The following STEAP1B variants were observed in gnomAD, a reference collection of about 807,000 sequenced individuals.
The protein encoded by STEAP1B is STEAP family member 1B, also known as STEAP family protein MGC87042.
A neutral mutation model predicts 27.9 loss-of-function variants in STEAP1B; 13 were observed. The ratio of observed to expected loss-of-function variants is 0.47; its 90% CI spans 0.30 to 0.74. The LOEUF is 0.74. Among genes scored for constraint, STEAP1B ranks in the 30% least tolerant of loss-of-function variants. STEAP1B has a pLI of 0.06. For synonymous variants in STEAP1B, 86 were observed against 107.1 expected (o/e 0.80, Z 1.22); for missense variants, 250 against 298.7 (o/e 0.84, Z 1.20).
Position 22,490,382 on chromosome 7 carries a change from A to G in STEAP1B, c.762+2183T>C, listed in dbSNP as rs572058309. Among the ~76,000 whole-genome samples the G allele has an allele frequency of 3.9e-5, 6 of 152,282 alleles. No homozygotes were observed. In the East Asian group the frequency reaches 1.2e-3, roughly 29 times the overall value. Reference sequence around the variant, plus strand: ...TCTTTTTCTATCCTATTGGCCTAGAATATGTCATTTTTAGTCCTGTCTCTT... The same window carrying G: ...TCTTTTTCTATCCTATTGGCCTAGAGTATGTCATTTTTAGTCCTGTCTCTT... On this transcript the variant is annotated intron_variant, in intron 4 of 4. Transcript: ENST00000678116.
At chr7:22,443,797 A>G (rs1785368893) in intron 4 of STEAP1B, among the ~76,000 whole-genome samples, 1 of 152,138 alleles carries the variant, frequency 6.6e-6, no homozygotes, top group South Asian at 2.1e-4. Flanking sequence ...ATCACCTAAG[A>G]GCCAGGCAAA....
At chr7:22,424,502 A>G (rs1289330791) in intron 4 of STEAP1B, among the ~76,000 whole-genome samples, 1 of 152,220 alleles carries the variant, frequency 6.6e-6, no homozygotes, top group African/African-American at 2.4e-5. Context: ...ACATTATTTC[A>G]TACTCATCTG....
chr7:22,470,815 A>C (rs939416584), intron 4 of STEAP1B, among the ~76,000 whole-genome samples: 1 of 152,204 alleles, frequency 6.6e-6, no homozygotes, highest in African/African-American at 2.4e-5. Flanking sequence ...AACTGGGTGA[A>C]GCATAAATGA....
At chr7:22,472,540 G>A (rs990919804) in intron 4 of STEAP1B, among the ~76,000 whole-genome samples, 6 of 152,148 alleles carry the variant, frequency 3.9e-5, no homozygotes, top group African/African-American at 7.2e-5. Flanking sequence ...GAAGTTTTAC[G>A]GCAAGTTGAC....
In STEAP1B at chr7:22,419,826, C is replaced by G. The variant is rs1461875270; in HGVS notation, c.773G>C (p.Arg258Thr). ...REFHYIQVHG[R>T]INFLTL Reference sequence around the variant, plus strand: ...CTGTCACAAGGTCAGGAAGTTGATCCTACCATGTACCTGGAAGGCAGACAG... The same window carrying G: ...CTGTCACAAGGTCAGGAAGTTGATCGTACCATGTACCTGGAAGGCAGACAG... The change falls in exon 5 of 5, where the codon AGG becomes ACG. Residue 258 changes from arginine (R) to threonine (T), a missense_variant. Arg to Thr is a moderately conservative substitution (Grantham distance 71). Transcript: ENST00000678116. The G allele has an allele frequency of 6.5e-7, 1 of 1,549,728 alleles. No homozygotes were observed. Among genetic ancestry groups the G allele is most frequent in the Non-Finnish European group, 8.7e-7 (1 of 1,145,906 alleles).
chr7:22,470,314 G>A (rs971224612), intron 4 of STEAP1B, among the ~76,000 whole-genome samples: 2 of 152,150 alleles, frequency 1.3e-5, no homozygotes, highest in South Asian at 2.1e-4. Context: ...GTTGACTTGA[G>A]GGGGCAAAAA....
At chr7:22,437,837 T>C (rs2128401233) in intron 4 of STEAP1B, among the ~76,000 whole-genome samples, 1 of 152,366 alleles carries the variant, frequency 6.6e-6, no homozygotes, top group South Asian at 2.1e-4. Flanking sequence ...TTAATTTGCG[T>C]AACTCTGATA....
At chr7:22,460,241 T>C (rs1354903443) in intron 4 of STEAP1B, among the ~76,000 whole-genome samples, 1 of 150,132 alleles carries the variant, frequency 6.7e-6, no homozygotes, top group African/African-American at 2.5e-5. Context: ...GATGGGAGGA[T>C]CACTTGAGCC....
chr7:22,470,248 A>T (rs1785858077), intron 4 of STEAP1B, among the ~76,000 whole-genome samples: 1 of 152,202 alleles, frequency 6.6e-6, no homozygotes, highest in Non-Finnish European at 1.5e-5. Context: ...TATATAAAGG[A>T]TGTAGCCGTA....
chr7:22,488,607 T>TAACAAAAGGGAAGATGGA, intron 4 of STEAP1B, among the ~76,000 whole-genome samples: 2 of 152,280 alleles, frequency 1.3e-5, no homozygotes, highest in Middle Eastern at 6.8e-3. Context: ...ACCTCAGCCC[T>TAACAAAAGGGAAGATGGA]AACAAAAGGG....
intron 4 of STEAP1B, among the ~76,000 whole-genome samples, chr7:22,420,333 G>A (rs896048015): frequency 6.6e-6 from 1 of 152,176 alleles, no homozygotes. Flanking sequence ...CAGCCTGGGG[G>A]ATGATAAAGC....
At chr7:22,491,732 A>C (rs185622410) in intron 4 of STEAP1B, among the ~76,000 whole-genome samples, 3 of 152,326 alleles carry the variant, frequency 2.0e-5, no homozygotes, top group African/African-American at 7.2e-5. Context: ...TTGAGATTAT[A>C]GAAAAGTGTG....
intron 4 of STEAP1B, among the ~76,000 whole-genome samples, chr7:22,432,642 C>T (rs1163351210): frequency 1.3e-5 from 2 of 152,118 alleles, no homozygotes; most frequent in Non-Finnish European, 2.9e-5. Flanking sequence ...GCAGCCTGAA[C>T]AAATGGACAG....
chr7:22,420,545 A>T (rs1785031871), intron 4 of STEAP1B, among the ~76,000 whole-genome samples: 3 of 152,390 alleles, frequency 2.0e-5, no homozygotes, highest in South Asian at 4.1e-4. Context: ...TGGTGAAGCT[A>T]CAAATCCGGC....
chr7:22,435,814 T>C (rs1785246326), intron 4 of STEAP1B, among the ~76,000 whole-genome samples: 1 of 152,320 alleles, frequency 6.6e-6, no homozygotes, highest in South Asian at 2.1e-4. Flanking sequence ...AGGTGTGATA[T>C]AAGACTCAAT....
chr7:22,494,183 A>T (rs1389170008), intron 2 of STEAP1B, among the ~76,000 whole-genome samples: 5 of 148,160 alleles, frequency 3.4e-5, no homozygotes, highest in Non-Finnish European at 4.5e-5. Flanking sequence ...TTCTGCTAAA[A>T]CTTCCATTGA....
chr7:22,422,537 A>G lies in STEAP1B; in HGVS notation c.763-2701T>C, dbSNP rs916561146. Among the ~76,000 whole-genome samples the G allele has an allele frequency of 5.3e-5, 8 of 150,666 alleles. 1 individual carries two copies. The highest frequency in any genetic ancestry group is 5.3e-4 in the Admixed American group (8 of 15,078). Reference sequence around the variant, plus strand: ...AGATAGAGTTTCACTCTTATTGCCCAGGCTGGAGTGCAATGGCACAATCTT... The same window carrying G: ...AGATAGAGTTTCACTCTTATTGCCCGGGCTGGAGTGCAATGGCACAATCTT... On this transcript the variant is annotated intron_variant, in intron 4 of 4. Transcript: ENST00000678116.
intron 4 of STEAP1B, among the ~76,000 whole-genome samples, chr7:22,472,994 T>A (rs1405311905): frequency 6.6e-6 from 1 of 152,204 alleles, no homozygotes; most frequent in African/African-American, 2.4e-5. Context: ...CATACTGTAG[T>A]GCCTATGCCT....
At chr7:22,480,198 A>C (rs1399131492) in intron 4 of STEAP1B, among the ~76,000 whole-genome samples, 3 of 152,356 alleles carry the variant, frequency 2.0e-5, no homozygotes, top group African/African-American at 7.2e-5. Flanking sequence ...ACAAGAACAA[A>C]CCTTATCCTG....
Sources: allele counts gnomAD v4.1 joint callset (sites outside exome capture counted in the v4.1 genomes callset), GRCh38; gene constraint gnomAD v4.1.1; transcripts MANE v1.5; gene names NCBI Gene and HGNC (gene_info 2026-07-23, HGNC 2026-07-21).